DOK5: variants seen among roughly 807,000 people sequenced by gnomAD.
The protein encoded by DOK5 is docking protein 5, also known as downstream of tyrosine kinase 5.
A neutral mutation model predicts 43.3 loss-of-function variants in DOK5; 27 were observed. The ratio of observed to expected loss-of-function variants is 0.62; its 90% CI spans 0.46 to 0.86. DOK5 has a LOEUF of 0.86. Ranked by LOEUF, DOK5 falls within the 40% of genes least tolerant of loss-of-function variation. The pLI, the probability that DOK5 is intolerant of heterozygous loss-of-function variation, is 0.00. For missense variants in DOK5, 373 were observed against 392.9 expected, an observed-to-expected ratio of 0.95 and a Z score of 0.43; for synonymous variants, 146 against 140.1, an observed-to-expected ratio of 1.04 and a Z score of -0.30.
intron 1 of DOK5, among the ~76,000 whole-genome samples, chr20:54,554,098 A>T (rs918283604): frequency 1.3e-5 from 2 of 151,918 alleles, no homozygotes; most frequent in Admixed American, 1.3e-4. Context: ...CTAGAATCAG[A>T]CCCCCATTCA....
At chr20:54,543,757 A>G (rs1984248654) in intron 1 of DOK5, among the ~76,000 whole-genome samples, 1 of 152,188 alleles carries the variant, frequency 6.6e-6, no homozygotes, top group Non-Finnish European at 1.5e-5. Context: ...TCCTTTATGT[A>G]CTTAATAACT....
At chr20:54,566,213 C>T (rs1470855925) in intron 2 of DOK5, among the ~76,000 whole-genome samples, 1 of 151,862 alleles carries the variant, frequency 6.6e-6, no homozygotes, top group African/African-American at 2.4e-5. Flanking sequence ...ACATAACTCC[C>T]TTGGGACTTA....
At chr20:54,641,583 C>T (rs6014102) in intron 6 of DOK5, among the ~76,000 whole-genome samples, 661 of 56,490 alleles carry the variant, frequency 0.012, 10 homozygotes, top group African/African-American at 0.022. Flanking sequence ...ATCATCATCT[C>T]CATCTCCATT....
intron 1 of DOK5, among the ~76,000 whole-genome samples, chr20:54,488,382 C>T (rs6512963): frequency 0.04 from 6,162 of 152,280 alleles, 441 homozygotes; most frequent in African/African-American, 0.14. Flanking sequence ...ATCCATATTC[C>T]TTCCTCAGAA....
chr20:54,586,215 T>G (rs987773240), intron 2 of DOK5, among the ~76,000 whole-genome samples: 1 of 152,212 alleles, frequency 6.6e-6, no homozygotes, highest in Non-Finnish European at 1.5e-5. Flanking sequence ...AGTAAGTCAT[T>G]GCTGGCAACT....
At chr20:54,524,738 T>G (rs2146699906) in intron 1 of DOK5, among the ~76,000 whole-genome samples, 1 of 152,378 alleles carries the variant, frequency 6.6e-6, no homozygotes, top group Admixed American at 6.5e-5. Flanking sequence ...CTTGAAGTTT[T>G]AATATTCTTC....
intron 5 of DOK5, among the ~76,000 whole-genome samples, chr20:54,593,589 G>A (rs1005339375): frequency 6.6e-6 from 1 of 152,178 alleles, no homozygotes; most frequent in African/African-American, 2.4e-5. Flanking sequence ...CACTTCGGGA[G>A]GCCAACACAG....
chr20:54,650,607 G>T lies in DOK5; in HGVS notation c.*128G>T. The T allele has an allele frequency of 5.2e-6, 4 of 772,746 alleles. No homozygotes were observed. Among genetic ancestry groups the T allele is most frequent in the South Asian group, 1.9e-5 (1 of 52,506 alleles). 47.9% of individuals were successfully genotyped at this position (772,746 alleles called of 1,614,324 possible). ...AGCTTAAAGTCCTGGCTAATTGTGT[G>T]GTCATTGGAAAACTCTGCAATACAA... On this transcript the variant is annotated 3_prime_UTR_variant, in exon 8 of 8. Coordinates refer to ENST00000262593, the MANE Select transcript of DOK5 (RefSeq NM_018431.5).
intron 6 of DOK5, among the ~76,000 whole-genome samples, chr20:54,619,661 T>C (rs1455486846): frequency 2.0e-5 from 3 of 152,204 alleles, no homozygotes. Flanking sequence ...TCTGAACTTT[T>C]TTTTGTCACT....
At chr20:54,547,403 T>C (rs985930898) in intron 1 of DOK5, among the ~76,000 whole-genome samples, 5 of 152,196 alleles carry the variant, frequency 3.3e-5, no homozygotes, top group African/African-American at 4.8e-5. Context: ...ATAACAGTCC[T>C]TGAATCCTTT....
rs372333359 is a variant in DOK5 at position 54,637,136 on chromosome 20, C to T, written c.736-6322C>T. On this transcript the variant is annotated intron_variant, in intron 6 of 7. Transcript: ENST00000262593. ...CCCAAGCAACTCCCATGAAGCAAAG[C>T]GTCTTCTGCTTCTACATTGTAACAT... Among the ~76,000 whole-genome samples, 266 of 151,988 alleles carry T rather than the reference C, an allele frequency of 1.8e-3. 1 individual carries two copies. Among genetic ancestry groups the T allele is most frequent in the Non-Finnish European group, 2.8e-3 (191 of 67,828 alleles).
intron 2 of DOK5, among the ~76,000 whole-genome samples, chr20:54,562,183 A>G (rs1984930930): frequency 6.6e-6 from 1 of 152,200 alleles, no homozygotes; most frequent in African/African-American, 2.4e-5. Flanking sequence ...ATAGTGTCTC[A>G]TGCAAAGTAG....
At chr20:54,643,611 G>A in intron 7 of DOK5, 33 bp downstream of exon 7, 5 of 1,600,202 alleles carry the variant, frequency 3.1e-6, no homozygotes, top group Non-Finnish European at 4.3e-6. Flanking sequence ...CCAGGGTGTG[G>A]GCCAGGCCTG....
intron 5 of DOK5, among the ~76,000 whole-genome samples, chr20:54,607,215 C>G (rs1382904720): frequency 6.6e-6 from 1 of 152,192 alleles, no homozygotes; most frequent in Admixed American, 6.5e-5. Context: ...CCCATTCCCC[C>G]ACATAGACTC....
At position 54,475,814 on chromosome 20, in the gene DOK5, C is replaced by A; in HGVS notation, c.-133C>A. On this transcript the variant is annotated 5_prime_UTR_variant, in exon 1 of 8. Transcript: ENST00000262593. The surrounding 1 kb of genome is among the most constrained non-coding windows in gnomAD (Gnocchi z 4.2). ...GATGTGCGCCTTCTAAAGCCTCGCC[C>A]AGCGCCGCCGAAGCAGCTTCACCTC... 1 of 1,088,016 alleles carries A rather than the reference C, an allele frequency of 9.2e-7. No individual in the cohort carries two copies. Among genetic ancestry groups the A allele is most frequent in the Non-Finnish European group, 1.3e-6 (1 of 742,712 alleles). The allele number at this position is 1,088,016 out of a possible 1,614,324, so 67.4% of individuals were successfully genotyped here.
At chr20:54,574,512 C>T (rs567270895) in intron 2 of DOK5, among the ~76,000 whole-genome samples, 6 of 152,236 alleles carry the variant, frequency 3.9e-5, no homozygotes, top group Non-Finnish European at 7.4e-5. Flanking sequence ...ATGTGGTGGG[C>T]ACTGATGTGA....
intron 1 of DOK5, among the ~76,000 whole-genome samples, chr20:54,533,583 T>C (rs969457107): frequency 2.0e-5 from 3 of 152,190 alleles, no homozygotes; most frequent in Non-Finnish European, 4.4e-5. Flanking sequence ...TTGGGTACCT[T>C]ATACACATAG....
In DOK5 at chr20:54,570,757, G is replaced by A. The variant is rs545417924; in HGVS notation, c.174+15717G>A. 4.6e-5 allele frequency among the ~76,000 whole-genome samples: 7 copies of A among 152,268 alleles called. No homozygotes were observed. The South Asian group carries it at 1.5e-3, about 32-fold the overall frequency. ...ACAGGAATATGCCAGTTCCTGAAGG[G>A]AATGTGCCTTTAAAAATCCCATTGT... On this transcript the variant is annotated intron_variant, in intron 2 of 7. Transcript: ENST00000262593.
chr20:54,630,097 G>A (rs1016400286), intron 6 of DOK5, among the ~76,000 whole-genome samples: 8 of 152,198 alleles, frequency 5.3e-5, no homozygotes, highest in Admixed American at 5.2e-4. Flanking sequence ...CACCCTGGAA[G>A]CTGTTTGGAA....
Sources: gnomAD v4.1 joint callset for allele counts (sites outside exome capture counted in the v4.1 genomes callset) on GRCh38, gnomAD v4.1.1 for gene constraint, Gnocchi (gnomAD v3.1) non-coding constraint, MANE v1.5 for transcripts, NCBI Gene and HGNC (gene_info 2026-07-23, HGNC 2026-07-21) for gene names.